The following LRP1B variants were observed in gnomAD, a reference collection of about 807,000 sequenced individuals.
LRP1B encodes low-density lipoprotein receptor-related protein 1B.
Under a neutral mutation model 556.6 loss-of-function variants are expected in LRP1B, and 217 were observed. That is an observed-to-expected ratio of 0.39 (90% CI 0.35 to 0.44). The LOEUF is 0.44. Ranked by LOEUF, LRP1B falls within the 20% of genes least tolerant of loss-of-function variation. LRP1B has a pLI of 1.00. For missense variants in LRP1B, 5,053 were observed against 5,620.8 expected (o/e 0.90, Z 3.23); for synonymous variants, 2,047 against 1,865.8 (o/e 1.10, Z -2.50).
intron 87 of LRP1B, among the ~76,000 whole-genome samples, chr2:140,246,168 T>C (rs1003962294): frequency 6.6e-6 from 1 of 151,220 alleles, no homozygotes; most frequent in African/African-American, 2.4e-5. Context: ...TAATAGTCTC[T>C]CTCCTTTTTC....
At chr2:141,593,481 G>GCA (rs1448106864) in intron 2 of LRP1B, among the ~76,000 whole-genome samples, 21 of 1,424 alleles carry the variant, frequency 0.015, 10 homozygotes, top group South Asian at 1. Context: ...CACTTTGGGA[G>GCA]GCCGAGGCGG....
At chr2:141,187,733 A>T (rs1476466204) in intron 7 of LRP1B, among the ~76,000 whole-genome samples, 1 of 152,050 alleles carries the variant, frequency 6.6e-6, no homozygotes, top group Non-Finnish European at 1.5e-5. Context: ...ACATTTTATG[A>T]CTATATTTTT....
At chr2:140,606,099 A>T (rs371196999) in intron 41 of LRP1B, among the ~76,000 whole-genome samples, 74 of 152,140 alleles carry the variant, frequency 4.9e-4, no homozygotes, top group South Asian at 1.7e-3. Context: ...TAACACTATC[A>T]CTATTTGCAG....
chr2:140,585,764 A>T (rs561238928), intron 43 of LRP1B, among the ~76,000 whole-genome samples: 73 of 152,062 alleles, frequency 4.8e-4, no homozygotes, highest in African/African-American at 1.8e-3. Context: ...ATACTCTGTG[A>T]TCACATCTAC....
In LRP1B at chr2:140,270,155, C is replaced by T. The variant is rs1214387711; in HGVS notation, c.13247+87G>A. The T allele has an allele frequency of 4.3e-5, 39 of 913,346 alleles. No individual in the cohort carries two copies. The East Asian group carries it at 8.4e-4, about 20-fold the overall frequency. The allele number at this position is 913,346 out of a possible 1,614,324, so 56.6% of individuals were successfully genotyped here. On this transcript the variant is annotated intron_variant, in intron 86 of 90. Coordinates refer to ENST00000389484, the MANE Select transcript of LRP1B (RefSeq NM_018557.3). Reference sequence around the variant, plus strand: ...TCCATGAAACACTCATTTAAAATTACCCCAGAAAAGGAGAATAATAGAACA... The same window carrying T: ...TCCATGAAACACTCATTTAAAATTATCCCAGAAAAGGAGAATAATAGAACA...
chr2:141,616,478 T>C (rs1688307277), intron 2 of LRP1B, among the ~76,000 whole-genome samples: 1 of 152,150 alleles, frequency 6.6e-6, no homozygotes, highest in Non-Finnish European at 1.5e-5. Flanking sequence ...TAGTTTAAAA[T>C]TCTCTCTTCT....
At chr2:141,887,127 C>A (rs1468273854) in intron 1 of LRP1B, among the ~76,000 whole-genome samples, 9 of 152,026 alleles carry the variant, frequency 5.9e-5, no homozygotes, top group Admixed American at 2.0e-4. Context: ...TCCCTAGTAG[C>A]TGGGATTACA....
At chr2:140,536,786 T>A (rs2105004752) in intron 45 of LRP1B, 77 bp from the exon 46 acceptor site, 2 of 1,060,630 alleles carry the variant, frequency 1.9e-6, no homozygotes, top group Non-Finnish European at 2.7e-6. Flanking sequence ...TTATTTTTCT[T>A]AATTTTAATT....
At chr2:141,769,025 A>G (rs1345751881) in intron 2 of LRP1B, among the ~76,000 whole-genome samples, 1 of 152,164 alleles carries the variant, frequency 6.6e-6, no homozygotes, top group Non-Finnish European at 1.5e-5. Flanking sequence ...CAGATGAGGA[A>G]ACCATGAAAT....
intron 1 of LRP1B, among the ~76,000 whole-genome samples, chr2:142,000,274 T>C (rs1702615745): frequency 6.6e-6 from 1 of 152,142 alleles, no homozygotes; most frequent in African/African-American, 2.4e-5. Context: ...ATGGACTTCC[T>C]TGCTTTCATA....
chr2:140,507,201 C>T (rs1689456122), intron 52 of LRP1B, among the ~76,000 whole-genome samples: 1 of 152,028 alleles, frequency 6.6e-6, no homozygotes, highest in South Asian at 2.1e-4. Context: ...TTTAAATTTG[C>T]TGAAGGATGA....
chr2:141,475,563 A>T (rs6429894), intron 3 of LRP1B, among the ~76,000 whole-genome samples: 77,732 of 151,766 alleles, frequency 0.51, 20,152 homozygotes, highest in Non-Finnish European at 0.55. Flanking sequence ...CCTAAATGGG[A>T]ACAGGCATTC....
chr2:140,586,015 T>A (rs1271804134), intron 43 of LRP1B, among the ~76,000 whole-genome samples: 1 of 152,282 alleles, frequency 6.6e-6, no homozygotes, highest in African/African-American at 2.4e-5. Context: ...TTTAAAAGTG[T>A]CTTTAAAAAA....
chr2:140,499,937 C>T lies in LRP1B; in HGVS notation c.8850+1750G>A, dbSNP rs1183618728. On this transcript the variant is annotated intron_variant, in intron 55 of 90. Coordinates refer to ENST00000389484, the MANE Select transcript of LRP1B (RefSeq NM_018557.3). ...TTAGTTACCTGCAATCATTCTAAAA[C>T]ACATTCCCTGATGAATTCAGGAAAG... Among the ~76,000 whole-genome samples, 10 of 151,958 alleles carry T rather than the reference C, an allele frequency of 6.6e-5. No individual in the cohort carries two copies. The South Asian group carries it at 2.1e-3, about 32-fold the overall frequency.
intron 7 of LRP1B, among the ~76,000 whole-genome samples, chr2:141,096,313 C>T (rs1054392579): frequency 2.6e-5 from 4 of 152,028 alleles, no homozygotes; most frequent in Admixed American, 6.6e-5. Flanking sequence ...CTCGGCCAGG[C>T]GCAGTGGCTC....
At chr2:141,590,909 T>C (rs1045177858) in intron 2 of LRP1B, among the ~76,000 whole-genome samples, 1 of 152,108 alleles carries the variant, frequency 6.6e-6, no homozygotes, top group African/African-American at 2.4e-5. Context: ...GTGCCTTGTC[T>C]CTCCCTTCAC....
intron 1 of LRP1B, among the ~76,000 whole-genome samples, chr2:141,909,560 T>TTTTA (rs1699854819): frequency 1.1e-5 from 1 of 94,972 alleles, no homozygotes; most frequent in Non-Finnish European, 2.2e-5. Context: ...TTTTTTTTTT[T>TTTTA]ACCTCTGGAG....
At chr2:140,777,342 G>C (rs1409874897) in intron 32 of LRP1B, among the ~76,000 whole-genome samples, 1 of 152,164 alleles carries the variant, frequency 6.6e-6, no homozygotes, top group African/African-American at 2.4e-5. Context: ...TCTTTTCTAA[G>C]ATACTCAGTG....
intron 41 of LRP1B, among the ~76,000 whole-genome samples, chr2:140,613,374 T>TAA (rs1559005825): frequency 7.3e-6 from 1 of 136,806 alleles, no homozygotes; most frequent in East Asian, 2.0e-4. Flanking sequence ...AATATAAATA[T>TAA]ATATAATTAT....
Sources: allele counts gnomAD v4.1 joint callset (sites outside exome capture counted in the v4.1 genomes callset), GRCh38; gene constraint gnomAD v4.1.1; transcripts MANE v1.5; gene names NCBI Gene and HGNC (gene_info 2026-07-23, HGNC 2026-07-21).